The following RIGI variants were observed in gnomAD, a reference collection of about 807,000 sequenced individuals.
RIGI encodes the protein RNA sensor RIG-I, also known as antiviral innate immune response receptor RIG-I.
At chr9:32,505,943 G>A in the RIGI span, among the ~76,000 whole-genome samples, 11 of 152,258 alleles carry the variant, frequency 7.2e-5, no homozygotes, top group East Asian at 5.8e-4. Context: ...GAGGCCAGGC[G>A]CGGTGGCTCA....
chr9:32,455,498 C>T, the RIGI span, among the ~76,000 whole-genome samples: 3 of 152,224 alleles, frequency 2.0e-5, no homozygotes, highest in South Asian at 4.1e-4. Context: ...CTCACTATCC[C>T]AAGAACAGCA....
the RIGI span, among the ~76,000 whole-genome samples, chr9:32,462,562 CCA>C: frequency 6.6e-6 from 1 of 152,020 alleles, no homozygotes; most frequent in Admixed American, 6.5e-5. Context: ...GCAGGTGCCA[CCA>C]CATCCAGCTA....
At chr9:32,483,727 C>T in the RIGI span, among the ~76,000 whole-genome samples, 2 of 151,886 alleles carry the variant, frequency 1.3e-5, no homozygotes, top group Non-Finnish European at 2.9e-5. Flanking sequence ...TGCCCCAGCT[C>T]ACACACTCCT....
chr9:32,489,728 T>C, the RIGI span, among the ~76,000 whole-genome samples: 17 of 151,508 alleles, frequency 1.1e-4, 2 homozygotes, highest in Admixed American at 9.2e-4. Flanking sequence ...AAAGAAAGAA[T>C]GGCCCCATTC....
At chr9:32,517,262 C>T in the RIGI span, among the ~76,000 whole-genome samples, 1 of 152,190 alleles carries the variant, frequency 6.6e-6, no homozygotes, top group Non-Finnish European at 1.5e-5. Flanking sequence ...CATTGGATTA[C>T]CGATTGGAGC....
chr9:32,463,722 G>A, the RIGI span, among the ~76,000 whole-genome samples: 30 of 151,674 alleles, frequency 2.0e-4, 1 homozygote, highest in Admixed American at 1.3e-4. Flanking sequence ...GGCTAAAGAA[G>A]CAGCCTAGCT....
chr9:32,464,352 T>A, the RIGI span, among the ~76,000 whole-genome samples: 1 of 152,078 alleles, frequency 6.6e-6, no homozygotes, highest in African/African-American at 2.4e-5. Context: ...CTTAAGAATA[T>A]AAGATTTTCC....
At chr9:32,485,359 G>T in the RIGI span, 2 of 1,036,810 alleles carry the variant, frequency 1.9e-6, no homozygotes, top group African/African-American at 3.2e-5. Flanking sequence ...TTCAAAGTAG[G>T]TATCTCTAAA....
the RIGI span, among the ~76,000 whole-genome samples, chr9:32,462,839 C>T: frequency 6.6e-6 from 1 of 152,130 alleles, no homozygotes; most frequent in Non-Finnish European, 1.5e-5. Context: ...CCCAGCTAGA[C>T]CTAGAATGTT....
chr9:32,457,324 C>CT, the RIGI span: 1 of 1,613,970 alleles, frequency 6.2e-7, no homozygotes, highest in African/African-American at 1.3e-5. Context: ...TATCTTTGCT[C>CT]TTTTTTCAAA....
At chr9:32,501,353 T>TA in the RIGI span, among the ~76,000 whole-genome samples, 9 of 146,912 alleles carry the variant, frequency 6.1e-5, no homozygotes, top group African/African-American at 2.2e-4. Flanking sequence ...AAAATTTTTT[T>TA]AATTAGTTGG....
the RIGI span, among the ~76,000 whole-genome samples, chr9:32,503,182 C>A: frequency 6.6e-6 from 1 of 152,126 alleles, no homozygotes; most frequent in Non-Finnish European, 1.5e-5. Context: ...TTCCTTTCAA[C>A]ATGCTAACAG....
At chr9:32,480,318 G>A in the RIGI span, 76 of 1,607,492 alleles carry the variant, frequency 4.7e-5, no homozygotes, top group Non-Finnish European at 5.8e-5. Flanking sequence ...TCTTTCATTC[G>A]TGCATGCTCA....
the RIGI span, among the ~76,000 whole-genome samples, chr9:32,517,147 C>T: frequency 6.6e-6 from 1 of 152,152 alleles, no homozygotes; most frequent in Non-Finnish European, 1.5e-5. Context: ...TTCCACATGA[C>T]GTTCTTCTGT....
At chr9:32,466,996 A>G in the RIGI span, among the ~76,000 whole-genome samples, 4 of 152,190 alleles carry the variant, frequency 2.6e-5, no homozygotes, top group African/African-American at 9.7e-5. Context: ...AAGTGCTATT[A>G]CAAAGACAGA....
the RIGI span, among the ~76,000 whole-genome samples, chr9:32,460,318 T>C: frequency 1.3e-5 from 2 of 152,172 alleles, no homozygotes; most frequent in African/African-American, 4.8e-5. Flanking sequence ...CTAAAACCTT[T>C]TTTCTCTCTC....
chr9:32,493,606 G>C, the RIGI span, among the ~76,000 whole-genome samples: 3 of 151,570 alleles, frequency 2.0e-5, no homozygotes, highest in East Asian at 5.8e-4. Context: ...CTGGGCGACA[G>C]AGCGAGACTC....
the RIGI span, among the ~76,000 whole-genome samples, chr9:32,511,770 T>C: frequency 6.6e-6 from 1 of 152,018 alleles, no homozygotes. Context: ...AGAAAACCCT[T>C]CAAAAAAATC....
At chr9:32,458,982 C>T in the RIGI span, among the ~76,000 whole-genome samples, 2 of 151,212 alleles carry the variant, frequency 1.3e-5, no homozygotes, top group African/African-American at 4.9e-5. Flanking sequence ...CTCTGCCTCC[C>T]GGTTCAAGCG....
Sources: allele counts gnomAD v4.1 joint callset (sites outside exome capture counted in the v4.1 genomes callset), GRCh38; gene constraint gnomAD v4.1.1; transcripts MANE v1.5; gene names NCBI Gene and HGNC (gene_info 2026-07-23, HGNC 2026-07-21).